ZNF524: variants seen among roughly 807,000 people sequenced by gnomAD.
ZNF524 encodes the protein zinc finger protein 524.
For missense variants in ZNF524, 388 were observed against 380.1 expected (o/e 1.02, Z -0.17); for synonymous variants, 194 against 166.3 (o/e 1.17, Z -1.28).
At chr19:55,601,884 A>C in intron 1 of ZNF524, 191 bp from the exon 2 acceptor site, 1 of 406,282 alleles carries the variant, frequency 2.5e-6, no homozygotes, top group Non-Finnish European at 4.3e-6. Context: ...AGCTCAGGGA[A>C]GTGCCTGTTT....
upstream of ZNF524, chr19:55,600,114 A>C (rs1980572994): frequency 6.6e-6 from 1 of 152,174 alleles, no homozygotes; most frequent in Non-Finnish European, 1.5e-5. Context: ...GTTATTTCCC[A>C]CTGGGGACAC....
Position 55,602,388 on chromosome 19 carries a change from G to T in ZNF524, c.276G>T (p.Val92=), listed in dbSNP as rs768722635. ...SDLLLIDDQG[V]PYTVSEGSAA... ...TCCTCCTGATCGATGATCAGGGTGT[G>T]CCCTATACGGTCTCTGAAGGTTCAG... The change falls in exon 2 of 2, where the codon GTG becomes GTT. Residue 92 remains valine, a synonymous_variant. Transcript: ENST00000301073. 6 of 1,574,118 alleles carry T rather than the reference G, an allele frequency of 3.8e-6. No homozygotes were observed. The South Asian group carries it at 5.8e-5, about 15-fold the overall frequency.
At position 55,602,487 on chromosome 19, in the gene ZNF524, C is replaced by A; in HGVS notation, c.375C>A (p.Tyr125Ter). 2 of 1,597,974 alleles carry A rather than the reference C, an allele frequency of 1.3e-6. No individual in the cohort carries two copies. The highest frequency in any genetic ancestry group is 8.5e-7 in the Non-Finnish European group (1 of 1,177,872). Reference sequence around the variant, plus strand: ...CGGTGTGCCTGCGGGCCTTCCCCTACCTCTCCGACCTGGAGCGCCACAGCA... The same window carrying A: ...CGGTGTGCCTGCGGGCCTTCCCCTAACTCTCCGACCTGGAGCGCCACAGCA... ...FCPVCLRAFP[Y>*]LSDLERHSIS... The change falls in exon 2 of 2, where the codon TAC (tyrosine) becomes TAA (stop). Residue 125 changes from tyrosine to a stop codon, truncating the protein, a stop_gained. Transcript: ENST00000301073. LOFTEE classifies it low-confidence loss of function (END_TRUNC).
chr19:55,599,891 T>C (rs1980556728), upstream of ZNF524: 1 of 152,122 alleles, frequency 6.6e-6, no homozygotes, highest in South Asian at 2.1e-4. Context: ...GAAAGCGAAG[T>C]GCGCCAACTG....
In ZNF524 at chr19:55,602,999, T is replaced by C; in HGVS notation, c.*92T>C. On this transcript the variant is annotated 3_prime_UTR_variant, in exon 2 of 2. Transcript: ENST00000301073. ...GAGCCAGGGGGCCGGGACACCCTTG[T>C]TTCCGGTGGTCTTCCCGTTGTGGGA... 7.1e-7 allele frequency: 1 copy of C among 1,400,404 alleles called. No homozygotes were observed. The highest frequency in any genetic ancestry group is 2.8e-5 in the Admixed American group (1 of 35,818). 86.7% of individuals were successfully genotyped at this position (1,400,404 alleles called of 1,614,324 possible). A position where few individuals can be genotyped will look rare whatever the true frequency, so the allele number is the denominator to read the frequency against.
At position 55,602,857 on chromosome 19, in the gene ZNF524, G is replaced by A; in HGVS notation, c.745G>A (p.Ala249Thr). The change falls in exon 2 of 2, where the codon GCA (alanine) becomes ACA (threonine). Residue 249 changes from alanine to threonine, a missense_variant. By Grantham distance (58) the Ala-to-Thr change is moderately conservative (BLOSUM62 0). Coordinates refer to ENST00000301073, the MANE Select transcript of ZNF524 (RefSeq NM_153219.4). ...GGACGAGGAGGGCATCCCGGCCACA[G>A]CAGGGGCCGAGGAGGAGGAGGAGAC... ...PWDEEGIPAT[A>T]GAEEEEETEG... is the part of the protein sequence containing the mutation. 1 of 1,605,858 alleles carries A rather than the reference G, an allele frequency of 6.2e-7. No individual in the cohort carries two copies. The highest frequency in any genetic ancestry group is 1.7e-4 in the Middle Eastern group (1 of 6,034).
chr19:55,602,553 C>T lies in ZNF524; in HGVS notation c.441C>T (p.Cys147=), dbSNP rs1428493132. ...SELKPHQCKV[C]GKTFKRSSHL... ...TGAAGCCGCACCAGTGCAAGGTTTG[C>T]GGCAAGACCTTCAAGCGCTCCAGCC... Residue 147 remains cysteine, a synonymous_variant, in exon 2 of 2, where the codon TGC becomes TGT. Transcript: ENST00000301073. 9 of 1,590,412 alleles carry T rather than the reference C, an allele frequency of 5.7e-6. No individual in the cohort carries two copies. The South Asian group carries it at 1.0e-4, about 18-fold the overall frequency.
chr19:55,600,711 C>G (rs902702431), intron 1 of ZNF524: 2 of 152,216 alleles, frequency 1.3e-5, no homozygotes, highest in Admixed American at 6.5e-5. Flanking sequence ...GACCAGTCTC[C>G]CCCTTTCCAC....
At chr19:55,599,882 A>C (rs1980556173), upstream of ZNF524, 1 of 152,130 alleles carries the variant, frequency 6.6e-6, no homozygotes, top group Non-Finnish European at 1.5e-5. Context: ...AAAAAAAAAG[A>C]AAGCGAAGTG....
Position 55,602,488 on chromosome 19 carries a change from C to T in ZNF524, c.376C>T (p.Leu126Phe), listed in dbSNP as rs778209156. 4.3e-5 allele frequency: 68 copies of T among 1,597,958 alleles called. 1 individual carries two copies. The highest frequency in any genetic ancestry group is 3.8e-4 in the South Asian group (34 of 90,180). The change falls in exon 2 of 2, where the codon CTC (leucine) becomes TTC (phenylalanine). Residue 126 changes from leucine (L) to phenylalanine (F), a missense_variant. Physicochemically the swap from Leu to Phe is conservative, Grantham distance 22. Transcript: ENST00000301073. ...GGTGTGCCTGCGGGCCTTCCCCTAC[C>T]TCTCCGACCTGGAGCGCCACAGCAT... ...CPVCLRAFPY[L>F]SDLERHSISH...
At chr19:55,600,275 GGCACCGC>G (rs1380901458), upstream of ZNF524, 1 of 149,434 alleles carries the variant, frequency 6.7e-6, no homozygotes, top group East Asian at 2.0e-4. Flanking sequence ...GGGCGGGGCC[GGCACCGC>G]GCGCCGCCGC....
At chr19:55,599,859 A>G (rs967851177), upstream of ZNF524, 1 of 152,186 alleles carries the variant, frequency 6.6e-6, no homozygotes, top group African/African-American at 2.4e-5. Flanking sequence ...TAGGATGTAC[A>G]GTTGGACTAG....
chr19:55,602,826 G>A lies in ZNF524; in HGVS notation c.714G>A (p.Pro238=), dbSNP rs1297818016. Residue 238 remains proline, a synonymous_variant, in exon 2 of 2, where the codon CCG becomes CCA. Transcript: ENST00000301073. The part of the protein sequence containing the change: ...PLCAPDPGSE[P]PWDEEGIPAT... The stretch of plus-strand genomic sequence containing the variant: ...GTGCACCAGATCCAGGGTCTGAACC[G>A]CCGTGGGACGAGGAGGGCATCCCGG... 7.5e-6 allele frequency: 12 copies of A among 1,610,180 alleles called. No homozygotes were observed. In the South Asian group the frequency reaches 9.9e-5, roughly 13 times the overall value.
Position 55,602,120 on chromosome 19 carries a change from C to G in ZNF524, c.8C>G (p.Thr3Ser). ...CAAGCCCCCCACTGCTCAATGGACA[C>G]CCCCAGCCCAGACCCGTTGCCTTCG... is the stretch of plus-strand genomic sequence containing the variant. MDTPSPDPLPSPL... is the reference protein window; with the variant it reads MDSPSPDPLPSPL... The change falls in exon 2 of 2, where the codon ACC (threonine) becomes AGC (serine). Residue 3 changes from threonine (T) to serine (S), a missense_variant. Thr to Ser is a moderately conservative substitution (Grantham distance 58). Transcript: ENST00000301073. 1.3e-6 allele frequency: 2 copies of G among 1,536,106 alleles called. No individual in the cohort carries two copies. Among genetic ancestry groups the G allele is most frequent in the Non-Finnish European group, 1.8e-6 (2 of 1,142,080 alleles).
At chr19:55,599,671 C>A (rs888474947), upstream of ZNF524, 1 of 152,370 alleles carries the variant, frequency 6.6e-6, no homozygotes, top group African/African-American at 2.4e-5. Context: ...GAAGCCAGGC[C>A]CGCGCCATCT....
upstream of ZNF524, chr19:55,599,920 G>A (rs1980558506): frequency 6.6e-6 from 1 of 152,230 alleles, no homozygotes; most frequent in African/African-American, 2.4e-5. Flanking sequence ...AGCTGGAAAA[G>A]ACCGGCACCA....
Position 55,602,499 on chromosome 19 carries a change from G to A in ZNF524, c.387G>A (p.Leu129=). 6.3e-7 allele frequency: 1 copy of A among 1,598,208 alleles called. No individual in the cohort carries two copies. Among genetic ancestry groups the A allele is most frequent in the Non-Finnish European group, 8.5e-7 (1 of 1,178,172 alleles). The change falls in exon 2 of 2, where the codon CTG becomes CTA. Residue 129 remains leucine, a synonymous_variant. Coordinates refer to ENST00000301073, the MANE Select transcript of ZNF524 (RefSeq NM_153219.4). The part of the protein sequence containing the change: ...CLRAFPYLSD[L]ERHSISHSEL... ...GGGCCTTCCCCTACCTCTCCGACCT[G>A]GAGCGCCACAGCATCTCGCACTCAG...
At position 55,602,603 on chromosome 19, in the gene ZNF524, A is replaced by T; in HGVS notation, c.491A>T (p.His164Leu). The T allele has an allele frequency of 6.3e-7, 1 of 1,582,620 alleles. No individual in the cohort carries two copies. The highest frequency in any genetic ancestry group is 8.5e-7 in the Non-Finnish European group (1 of 1,170,786). ...CACCTGCGGCGGCACTGCAACATCCATGCCGGCCTGCGGCCCTTCCGCTGC... is the reference window on the plus strand; with the variant it reads ...CACCTGCGGCGGCACTGCAACATCCTTGCCGGCCTGCGGCCCTTCCGCTGC... ...SSHLRRHCNI[H>L]AGLRPFRCPL... is the part of the protein sequence containing the mutation. Residue 164 changes from histidine to leucine, a missense_variant, in exon 2 of 2, where the codon CAT becomes CTT. Transcript: ENST00000301073.
chr19:55,602,921 C>G lies in ZNF524; in HGVS notation c.*14C>G. 1 of 1,534,970 alleles carries G rather than the reference C, an allele frequency of 6.5e-7. No homozygotes were observed. The highest frequency in any genetic ancestry group is 8.8e-7 in the Non-Finnish European group (1 of 1,137,118). The stretch of plus-strand genomic sequence containing the variant: ...GAGCCGGCCTGACCCACACCCCCGG[C>G]CATCGCTCCCTGGGCCAGGTTTAGA... On this transcript the variant is annotated 3_prime_UTR_variant, in exon 2 of 2. Transcript: ENST00000301073.
Sources: gnomAD v4.1 joint callset for allele counts on GRCh38, gnomAD v4.1.1 for gene constraint, MANE v1.5 for transcripts, NCBI Gene and HGNC (gene_info 2026-07-23, HGNC 2026-07-21) for gene names.